Variants in SLC39A8 observed in about 807,000 individuals in gnomAD.
SLC39A8 encodes solute carrier family 39 member 8.
SLC39A8 carries 15 observed loss-of-function variants against 40.4 expected under a neutral mutation model. That is an observed-to-expected ratio of 0.37 (90% CI 0.25 to 0.57). The LOEUF (loss-of-function observed/expected upper bound fraction) is 0.57, where lower values mean the gene tolerates loss of function less well. SLC39A8 is among the 20% of genes least tolerant of loss of function. SLC39A8 has a pLI of 0.75. For synonymous variants in SLC39A8, 223 were observed against 221.6 expected, an observed-to-expected ratio of 1.01 and a Z score of -0.06; for missense variants, 472 against 558.8, an observed-to-expected ratio of 0.84 and a Z score of 1.57.
chr4:102,305,716 A>G (rs1315497444), intron 4 of SLC39A8, among the ~76,000 whole-genome samples: 1 of 152,048 alleles, frequency 6.6e-6, no homozygotes, highest in Non-Finnish European at 1.5e-5. Flanking sequence ...TCTTTCACAC[A>G]CACACAGCAA....
chr4:102,259,234 A>G (rs1731782279), downstream of SLC39A8, among the ~76,000 whole-genome samples: 1 of 152,074 alleles, frequency 6.6e-6, no homozygotes, highest in South Asian at 2.1e-4. Flanking sequence ...ATAACTTTTC[A>G]TCTTTATTTT....
intron 2 of SLC39A8, among the ~76,000 whole-genome samples, chr4:102,327,717 T>G (rs1227005510): frequency 6.6e-6 from 1 of 152,204 alleles, no homozygotes; most frequent in Non-Finnish European, 1.5e-5. Context: ...TAATAAGTCC[T>G]TGGACACATA....
chr4:102,288,870 T>A (rs981898369), intron 6 of SLC39A8, among the ~76,000 whole-genome samples: 5 of 152,164 alleles, frequency 3.3e-5, no homozygotes, highest in African/African-American at 1.2e-4. Context: ...AAGCCATCTC[T>A]ATGACATAGA....
intron 2 of SLC39A8, among the ~76,000 whole-genome samples, chr4:102,333,440 T>G (rs535005834): frequency 1.3e-5 from 2 of 152,308 alleles, no homozygotes; most frequent in South Asian, 4.1e-4. Flanking sequence ...GAGATATTTA[T>G]AAGTTATTAT....
chr4:102,322,358 C>T lies in SLC39A8; in HGVS notation c.220-6528G>A, dbSNP rs180758932. Among the ~76,000 whole-genome samples, 12 of 152,246 alleles carry T rather than the reference C, an allele frequency of 7.9e-5. No homozygotes were observed. In the South Asian group the frequency reaches 1.9e-3, roughly 24 times the overall value. On this transcript the variant is annotated intron_variant, in intron 2 of 8. Transcript: ENST00000356736. ...TTATGTGGGCCAATGAATTCCCTTT[C>T]GGCTTAAGCTAATTAAAGTTGATTT...
intron 6 of SLC39A8, among the ~76,000 whole-genome samples, chr4:102,303,349 G>T (rs530921192): frequency 6.6e-6 from 1 of 151,884 alleles, no homozygotes; most frequent in African/African-American, 2.4e-5. Flanking sequence ...CCATTAAAGG[G>T]GCCCAGCCCT....
intron 6 of SLC39A8, among the ~76,000 whole-genome samples, chr4:102,295,548 GT>G (rs928598043): frequency 6.6e-6 from 1 of 151,942 alleles, no homozygotes; most frequent in African/African-American, 2.4e-5. Flanking sequence ...TCAACATTTT[GT>G]TTGTTTGTTT....
At chr4:102,264,877 G>A (rs1732029441) in intron 8 of SLC39A8, among the ~76,000 whole-genome samples, 1 of 152,150 alleles carries the variant, frequency 6.6e-6, no homozygotes, top group South Asian at 2.1e-4. Context: ...CTTTACTTCT[G>A]TAAGCCATCA....
chr4:102,259,511 T>G (rs917836886), downstream of SLC39A8: 3 of 1,543,514 alleles, frequency 1.9e-6, no homozygotes, highest in African/African-American at 4.1e-5. Context: ...GCCCATTTGA[T>G]TATCTACAAG....
chr4:102,267,459 T>A, intron 8 of SLC39A8, 31 bp downstream of exon 8: 1 of 1,552,036 alleles, frequency 6.4e-7, no homozygotes, highest in South Asian at 1.2e-5. Flanking sequence ...AATTTTAAAT[T>A]AAAAGAAAAT....
Position 102,320,793 on chromosome 4 carries a change from T to A in SLC39A8, c.220-4963A>T, listed in dbSNP as rs549183549. ...GAGAATATATATATGAGAAAAAATA[T>A]ATATATATATATCCTGTTGGTTTTG... On this transcript the variant is annotated intron_variant, in intron 2 of 8. Transcript: ENST00000356736. 2.5e-3 allele frequency among the ~76,000 whole-genome samples: 364 copies of A among 146,456 alleles called. 2 individuals are homozygous for A. The highest frequency in any genetic ancestry group is 3.7e-3 in the Middle Eastern group (1 of 272).
rs376148397 is a variant in SLC39A8 at position 102,278,100 on chromosome 4, A to C, written c.841-10021T>G. 1.4e-3 allele frequency among the ~76,000 whole-genome samples: 219 copies of C among 152,262 alleles called. 1 individual carries two copies. Among genetic ancestry groups the C allele is most frequent in the African/African-American group, 5.0e-3 (209 of 41,582 alleles). ...GGCAAAGACTTCATGACTAAAACAC[A>C]AAAAGCAATGGCAACAAAAGCCAAA... is the stretch of plus-strand genomic sequence containing the variant. On this transcript the variant is annotated intron_variant, in intron 6 of 8. Transcript: ENST00000356736.
rs1282142548 is a variant in SLC39A8 at position 102,344,538 on chromosome 4, C to G, written c.125G>C (p.Ser42Thr). ...GTGCTGGAGCTGCGCCGCCGACAGG[C>G]TCAGATTCGCGCCGAACACGCTCAG... ...DVLSVFGANLSLSAAQLQHLL... is the reference protein window; with the variant it reads ...DVLSVFGANLTLSAAQLQHLL... The change falls in exon 2 of 9, where the codon AGC (serine) becomes ACC (threonine). Residue 42 changes from serine (S) to threonine (T), a missense_variant. By Grantham distance (58) the Ser-to-Thr change is moderately conservative. This residue lies in a region of SLC39A8 where 175 missense variants were observed against 160.5 expected (regional missense o/e 1.09). Coordinates refer to ENST00000356736, the MANE Select transcript of SLC39A8 (RefSeq NM_001135146.2). The G allele has an allele frequency of 1.3e-6, 2 of 1,558,682 alleles. No individual in the cohort carries two copies. The highest frequency in any genetic ancestry group is 1.7e-6 in the Non-Finnish European group (2 of 1,151,334).
rs1734034418 is a variant in SLC39A8 at position 102,304,196 on chromosome 4, A to G, written c.840+121T>C. ...CAGACTTACATTCCAGTTACCCCACATATATAGGAATAAGTCTGACATACA... is the reference window on the plus strand; with the variant it reads ...CAGACTTACATTCCAGTTACCCCACGTATATAGGAATAAGTCTGACATACA... On this transcript the variant is annotated intron_variant, in intron 6 of 8. Coordinates refer to ENST00000356736, the MANE Select transcript of SLC39A8 (RefSeq NM_001135146.2). 4 of 645,644 alleles carry G rather than the reference A, an allele frequency of 6.2e-6. No homozygotes were observed. The South Asian group carries it at 1.0e-4, about 16-fold the overall frequency. The allele number at this position is 645,644 out of a possible 1,614,324, so 40.0% of individuals were successfully genotyped here. A position where few individuals can be genotyped will look rare whatever the true frequency, so the allele number is the denominator to read the frequency against.
intron 2 of SLC39A8, among the ~76,000 whole-genome samples, chr4:102,336,883 A>G (rs1735690999): frequency 1.3e-5 from 2 of 152,214 alleles, no homozygotes; most frequent in South Asian, 4.1e-4. Context: ...ACAAACAGGA[A>G]TCTACTGTTA....
chr4:102,304,858 C>G (rs1481262900), intron 5 of SLC39A8, 131 bp downstream of exon 5: 6 of 711,748 alleles, frequency 8.4e-6, no homozygotes, highest in Non-Finnish European at 1.1e-5. Flanking sequence ...ACTCTTTGTT[C>G]TCCTTAAACT....
intron 6 of SLC39A8, among the ~76,000 whole-genome samples, chr4:102,295,775 C>T (rs1439005204): frequency 6.6e-6 from 1 of 152,086 alleles, no homozygotes; most frequent in African/African-American, 2.4e-5. Flanking sequence ...AATATACTAG[C>T]TGGCCAAATG....
chr4:102,339,248 A>G (rs1578632575), intron 2 of SLC39A8, among the ~76,000 whole-genome samples: 1 of 152,002 alleles, frequency 6.6e-6, no homozygotes, highest in East Asian at 1.9e-4. Context: ...CTGCCCTTCC[A>G]GTTTCTCACC....
chr4:102,268,084 C>A lies in SLC39A8; in HGVS notation c.841-5G>T, dbSNP rs754510589. 13 of 1,613,888 alleles carry A rather than the reference C, an allele frequency of 8.1e-6. No individual in the cohort carries two copies. In the East Asian group the frequency reaches 2.9e-4, roughly 36 times the overall value. ...ACTTGGCTCTTTTTTTCCATCCTAGCAGAAAATCAATTAAAATGATAACCA... is the reference window on the plus strand; with the variant it reads ...ACTTGGCTCTTTTTTTCCATCCTAGAAGAAAATCAATTAAAATGATAACCA... On this transcript the variant is annotated splice_region_variant and splice_polypyrimidine_tract_variant and intron_variant, in intron 6 of 8. Transcript: ENST00000356736.
Sources: allele counts gnomAD v4.1 joint callset (sites outside exome capture counted in the v4.1 genomes callset), GRCh38; gene constraint gnomAD v4.1.1; regional missense constraint gnomAD v4.1.1; transcripts MANE v1.5; gene names NCBI Gene and HGNC (gene_info 2026-07-23, HGNC 2026-07-21).